Variants in PHLPP1 observed in about 807,000 individuals in gnomAD.
PHLPP1 encodes the protein PH domain and leucine rich repeat protein phosphatase 1.
Under a neutral mutation model 117.2 loss-of-function variants are expected in PHLPP1, and 42 were observed. That is an observed-to-expected ratio of 0.36 (90% confidence interval 0.28 to 0.46). The LOEUF (loss-of-function observed/expected upper bound fraction) is 0.46, where lower values mean the gene tolerates loss of function less well. Ranked by LOEUF, PHLPP1 falls within the 20% of genes least tolerant of loss-of-function variation. PHLPP1 has a pLI of 1.00. For synonymous variants in PHLPP1, 1,042 were observed against 970.7 expected (o/e 1.07, Z -1.37); for missense variants, 2,084 against 2,241.9 (o/e 0.93, Z 1.42).
intron 1 of PHLPP1, among the ~76,000 whole-genome samples, chr18:62,799,167 AAAG>A (rs1259880343): frequency 6.6e-6 from 1 of 152,202 alleles, no homozygotes; most frequent in East Asian, 1.9e-4. Flanking sequence ...AAGAGGAAGA[AAAG>A]AACCAGAGGA....
chr18:62,958,668 T>G lies in PHLPP1; in HGVS notation c.3364T>G (p.Leu1122Val). The G allele has an allele frequency of 1.9e-6, 3 of 1,613,966 alleles. No individual in the cohort carries two copies. Among genetic ancestry groups the G allele is most frequent in the Non-Finnish European group, 1.7e-6 (2 of 1,179,870 alleles). Residue 1122 changes from leucine to valine, a missense_variant, in exon 13 of 17, where the codon TTA becomes GTA. Coordinates refer to ENST00000262719, the MANE Select transcript of PHLPP1 (RefSeq NM_194449.4). ...CTGTAATGAGCTAAGTGAAGTCACA[T>G]TACCAGAAAACCTGCCTCCCAAACT... ...LSCNELSEVTLPENLPPKLQE... is the reference protein window; with the variant it reads ...LSCNELSEVTVPENLPPKLQE...
chr18:62,941,777 C>T lies in PHLPP1; in HGVS notation c.3020C>T (p.Ser1007Phe). Reference sequence around the variant, plus strand: ...GAAAGCCTTCCTCCAGCCACGCTTTCCGAAGAGACAAACAGTATCTTACAA... The same window carrying T: ...GAAAGCCTTCCTCCAGCCACGCTTTTCGAAGAGACAAACAGTATCTTACAA... ...KLESLPPATL[S>F]EETNSILQEL... The change falls in exon 11 of 17, where the codon TCC becomes TTC. Residue 1007 changes from serine (S) to phenylalanine (F), a missense_variant. Around this residue, in one of 2 missense-constraint regions of PHLPP1, gnomAD observed 1,365 missense variants for 1,605.9 expected, o/e 0.85. Coordinates refer to ENST00000262719, the MANE Select transcript of PHLPP1 (RefSeq NM_194449.4). The T allele has an allele frequency of 6.2e-7, 1 of 1,613,910 alleles. No homozygotes were observed. The highest frequency in any genetic ancestry group is 1.1e-5 in the South Asian group (1 of 91,078).
At chr18:62,810,832 G>T (rs1914092703) in intron 1 of PHLPP1, among the ~76,000 whole-genome samples, 1 of 152,182 alleles carries the variant, frequency 6.6e-6, no homozygotes, top group African/African-American at 2.4e-5. Flanking sequence ...TAAAACCAAA[G>T]AAAATTAGAC....
intron 10 of PHLPP1, among the ~76,000 whole-genome samples, chr18:62,922,496 CAT>C (rs1275199709): frequency 6.6e-6 from 1 of 152,184 alleles, no homozygotes; most frequent in Non-Finnish European, 1.5e-5. Flanking sequence ...TCACTTTAGA[CAT>C]ATGCTTTTTG....
intron 12 of PHLPP1, 50 bp downstream of exon 12, chr18:62,945,321 T>C: frequency 6.8e-7 from 1 of 1,476,644 alleles, no homozygotes; most frequent in Non-Finnish European, 9.1e-7. Flanking sequence ...GCAAAGAAAG[T>C]TGACTTCCTA....
chr18:62,777,542 G>A (rs952943776), intron 1 of PHLPP1, among the ~76,000 whole-genome samples: 1 of 150,808 alleles, frequency 6.6e-6, no homozygotes, highest in South Asian at 2.1e-4. Context: ...TATCTAAAGG[G>A]TGTTGTTTTG....
At chr18:62,931,548 G>T (rs1909807183) in intron 10 of PHLPP1, among the ~76,000 whole-genome samples, 1 of 149,498 alleles carries the variant, frequency 6.7e-6, no homozygotes, top group Non-Finnish European at 1.5e-5. Flanking sequence ...GAAACAAAAA[G>T]TTGGTTCTTT....
chr18:62,725,191 T>C (rs1599013943), intron 1 of PHLPP1, among the ~76,000 whole-genome samples: 1 of 151,912 alleles, frequency 6.6e-6, no homozygotes, highest in African/African-American at 2.4e-5. Flanking sequence ...AAACCCTGTC[T>C]CTACTAAAAA....
At chr18:62,843,065 T>G (rs1915092995) in intron 3 of PHLPP1, 1 of 152,230 alleles carries the variant, frequency 6.6e-6, no homozygotes, top group African/African-American at 2.4e-5. Context: ...TCATCTGCTC[T>G]TCTTCCTATG....
At chr18:62,865,056 G>C (rs531639214) in intron 4 of PHLPP1, among the ~76,000 whole-genome samples, 1 of 152,284 alleles carries the variant, frequency 6.6e-6, no homozygotes, top group East Asian at 1.9e-4. Flanking sequence ...GGATGCAATG[G>C]CTCAGTCCTA....
chr18:62,881,527 C>A (rs1176805551), intron 4 of PHLPP1, among the ~76,000 whole-genome samples: 1 of 151,842 alleles, frequency 6.6e-6, no homozygotes, highest in Non-Finnish European at 1.5e-5. Context: ...TTTTTGTTTT[C>A]TAGTTATATG....
chr18:62,831,779 C>A (rs762239219), intron 2 of PHLPP1, among the ~76,000 whole-genome samples: 4 of 152,144 alleles, frequency 2.6e-5, no homozygotes, highest in South Asian at 2.1e-4. Flanking sequence ...TGTAGTCTTT[C>A]CTTATGAATA....
At chr18:62,850,222 T>TA (rs1252451194) in intron 3 of PHLPP1, among the ~76,000 whole-genome samples, 6 of 151,870 alleles carry the variant, frequency 4.0e-5, no homozygotes, top group Non-Finnish European at 7.4e-5. Flanking sequence ...ACCCTGTCTC[T>TA]ACTAAAAATA....
Position 62,947,735 on chromosome 18 carries a change from A to G in PHLPP1, c.3324+2464A>G, listed in dbSNP as rs978042737. On this transcript the variant is annotated intron_variant, in intron 12 of 16. Coordinates refer to ENST00000262719, the MANE Select transcript of PHLPP1 (RefSeq NM_194449.4). ...TGTTTGTTTAAGTATTTGGTTTAAA[A>G]TACAAATAGAGGCCTGGCTTGGTGG... 2.6e-5 allele frequency among the ~76,000 whole-genome samples: 4 copies of G among 152,312 alleles called. No homozygotes were observed. The East Asian group carries it at 7.7e-4, about 29-fold the overall frequency.
intron 3 of PHLPP1, among the ~76,000 whole-genome samples, chr18:62,850,275 C>T (rs1051062758): frequency 6.6e-5 from 10 of 150,838 alleles, no homozygotes; most frequent in Non-Finnish European, 1.5e-4. Flanking sequence ...GTAATCCCAG[C>T]TACTCAGGAG....
chr18:62,858,362 A>G (rs1244183083), intron 3 of PHLPP1, among the ~76,000 whole-genome samples: 4 of 151,434 alleles, frequency 2.6e-5, no homozygotes, highest in Non-Finnish European at 4.4e-5. Context: ...TCGTGGGTTC[A>G]AGCAATTCTG....
At chr18:62,720,188 G>C (rs1402378310) in intron 1 of PHLPP1, among the ~76,000 whole-genome samples, 1 of 152,054 alleles carries the variant, frequency 6.6e-6, no homozygotes, top group African/African-American at 2.4e-5. Flanking sequence ...AAAAATTCAA[G>C]AACTTAAGGT....
intron 14 of PHLPP1, among the ~76,000 whole-genome samples, chr18:62,969,524 G>A (rs1910994306): frequency 1.3e-5 from 2 of 152,106 alleles, no homozygotes; most frequent in African/African-American, 4.8e-5. Context: ...CAAGTTGGTT[G>A]ATATTGTTGC....
At chr18:62,720,384 G>A (rs896430917) in intron 1 of PHLPP1, among the ~76,000 whole-genome samples, 10 of 152,132 alleles carry the variant, frequency 6.6e-5, no homozygotes, top group Non-Finnish European at 1.2e-4. Flanking sequence ...ATGACAAAGG[G>A]TGTTGACAGA....
Sources: allele counts gnomAD v4.1 joint callset (sites outside exome capture counted in the v4.1 genomes callset), GRCh38; gene constraint gnomAD v4.1.1; regional missense constraint gnomAD v4.1.1; transcripts MANE v1.5; gene names NCBI Gene and HGNC (gene_info 2026-07-23, HGNC 2026-07-21).